Variants in LDLRAD4 observed in about 807,000 individuals in gnomAD.
LDLRAD4 encodes the protein low-density lipoprotein receptor class A domain-containing protein 4.
LDLRAD4 carries 5 observed loss-of-function variants against 17.0 expected under a neutral mutation model. The ratio of observed to expected loss-of-function variants is 0.29; its 90% confidence interval spans 0.15 to 0.62. The LOEUF is 0.62. Among genes scored for constraint, LDLRAD4 ranks in the 20% least tolerant of loss-of-function variants. LDLRAD4 has a pLI of 0.84. For missense variants in LDLRAD4, 340 were observed against 424.7 expected (o/e 0.80, Z 1.75); for synonymous variants, 168 against 171.8 (o/e 0.98, Z 0.17).
intron 3 of LDLRAD4, among the ~76,000 whole-genome samples, chr18:13,443,644 A>C (rs1380825709): frequency 1.3e-5 from 2 of 152,108 alleles, no homozygotes; most frequent in Non-Finnish European, 2.9e-5. Context: ...AGGATCTCTG[A>C]TTCTGTAGGT....
chr18:13,442,474 C>T (rs924331893), intron 3 of LDLRAD4, among the ~76,000 whole-genome samples: 5 of 152,206 alleles, frequency 3.3e-5, no homozygotes, highest in Non-Finnish European at 7.3e-5. Flanking sequence ...GAGGGTGGCG[C>T]TGTCTTGGGA....
At chr18:13,374,558 C>A (rs1374476182) in intron 1 of LDLRAD4, among the ~76,000 whole-genome samples, 1 of 152,252 alleles carries the variant, frequency 6.6e-6, no homozygotes, top group African/African-American at 2.4e-5. Flanking sequence ...GCACCTTAAT[C>A]TCAGGAAGCT....
chr18:13,320,860 G>A (rs546575348), intron 1 of LDLRAD4, among the ~76,000 whole-genome samples: 7 of 152,310 alleles, frequency 4.6e-5, no homozygotes, highest in African/African-American at 1.4e-4. Flanking sequence ...GGAGTTCAAA[G>A]CCTAACAGGA....
upstream of LDLRAD4, among the ~76,000 whole-genome samples, chr18:13,274,772 A>G (rs1255443761): frequency 3.3e-5 from 5 of 152,332 alleles, no homozygotes; most frequent in Admixed American, 2.6e-4. Context: ...AATAGACACA[A>G]TGTTGGGTAG....
chr18:13,528,013 C>G (rs1031886605), intron 3 of LDLRAD4, among the ~76,000 whole-genome samples: 2 of 152,190 alleles, frequency 1.3e-5, no homozygotes, highest in African/African-American at 4.8e-5. Flanking sequence ...TGGGACACTC[C>G]CTCCTGGCTT....
chr18:13,470,552 C>G (rs1003510764), intron 3 of LDLRAD4, among the ~76,000 whole-genome samples: 2 of 146,796 alleles, frequency 1.4e-5, no homozygotes, highest in African/African-American at 5.1e-5. Flanking sequence ...GTCACCCTGC[C>G]CCTGTCTGGC....
chr18:13,628,834 TG>T (rs2041401800), intron 4 of LDLRAD4, among the ~76,000 whole-genome samples: 1 of 152,218 alleles, frequency 6.6e-6, no homozygotes, highest in South Asian at 2.1e-4. Context: ...CTTCAGGTTT[TG>T]GGGTTATTTT....
intron 1 of LDLRAD4, among the ~76,000 whole-genome samples, chr18:13,303,485 C>G (rs533524997): frequency 4.5e-4 from 68 of 152,184 alleles, no homozygotes; most frequent in African/African-American, 1.4e-3. Context: ...CTCCTTCTCT[C>G]CTTTTCTCCT....
At chr18:13,477,391 C>T (rs997136074) in intron 3 of LDLRAD4, among the ~76,000 whole-genome samples, 3 of 152,280 alleles carry the variant, frequency 2.0e-5, no homozygotes, top group Non-Finnish European at 2.9e-5. Context: ...CAGCTGCCTC[C>T]ATGACCCATG....
chr18:13,646,866 C>T (rs1274604910), exon 6 of LDLRAD4: 1 of 152,582 alleles, frequency 6.6e-6, no homozygotes, highest in African/African-American at 2.4e-5. Flanking sequence ...GCAGCCACCC[C>T]ACATCCAGCC....
intron 2 of LDLRAD4, among the ~76,000 whole-genome samples, chr18:13,434,560 A>G (rs527946981): frequency 6.6e-6 from 1 of 152,300 alleles, no homozygotes; most frequent in Non-Finnish European, 1.5e-5. Flanking sequence ...AATAGACAAC[A>G]TATTTTTAAA....
At chr18:13,422,649 G>A (rs928493425) in intron 2 of LDLRAD4, among the ~76,000 whole-genome samples, 12 of 152,242 alleles carry the variant, frequency 7.9e-5, no homozygotes, top group African/African-American at 2.4e-4. Context: ...AGTGAGCCAC[G>A]ATCACATCAC....
chr18:13,304,814 G>GTGTA (rs2046815253), intron 1 of LDLRAD4, among the ~76,000 whole-genome samples: 1 of 152,216 alleles, frequency 6.6e-6, no homozygotes, highest in Admixed American at 6.5e-5. Flanking sequence ...TGCTGTGGGG[G>GTGTA]TGTAGGAGGG....
chr18:13,419,353 T>A (rs186575388), intron 2 of LDLRAD4: 26 of 152,294 alleles, frequency 1.7e-4, no homozygotes, highest in Admixed American at 1.4e-3. Flanking sequence ...TAGTTTTGGA[T>A]CATGATTAGG....
In LDLRAD4 at chr18:13,605,133, T is replaced by A. The variant is rs1178368007; in HGVS notation, c.182-15984T>A. 2.0e-5 allele frequency among the ~76,000 whole-genome samples: 3 copies of A among 152,234 alleles called. No homozygotes were observed. In the East Asian group the frequency reaches 5.8e-4, roughly 29 times the overall value. On this transcript the variant is annotated intron_variant, in intron 3 of 5. Transcript: ENST00000359446. ...CAGAGCGCAGAATTAGAGTGTTCTC[T>A]TAACATATGGTGTCCAGAAATCCTG... is the stretch of plus-strand genomic sequence containing the variant.
At chr18:13,527,312 C>T (rs971813960) in intron 3 of LDLRAD4, among the ~76,000 whole-genome samples, 3 of 152,234 alleles carry the variant, frequency 2.0e-5, no homozygotes, top group Non-Finnish European at 4.4e-5. Flanking sequence ...ACAGGGTTGT[C>T]GCTTGGCATA....
intron 1 of LDLRAD4, among the ~76,000 whole-genome samples, chr18:13,272,545 G>A (rs997672739): frequency 9.2e-5 from 14 of 152,220 alleles, no homozygotes; most frequent in Non-Finnish European, 1.8e-4. Context: ...CCTCTGTCTC[G>A]CTCCTCCTGG....
intron 1 of LDLRAD4, among the ~76,000 whole-genome samples, chr18:13,369,857 C>G (rs2084331549): frequency 6.6e-6 from 1 of 152,204 alleles, no homozygotes; most frequent in African/African-American, 2.4e-5. Context: ...TCCTCCCATG[C>G]CTTCTGTTTC....
intron 2 of LDLRAD4, chr18:13,426,137 G>C (rs2089916230): frequency 6.6e-6 from 1 of 152,670 alleles, no homozygotes; most frequent in Non-Finnish European, 1.5e-5. Flanking sequence ...CAGATTTGTT[G>C]TTAATTTTGG....
Sources: gnomAD v4.1 joint callset for allele counts (sites outside exome capture counted in the v4.1 genomes callset) on GRCh38, gnomAD v4.1.1 for gene constraint, MANE v1.5 for transcripts, NCBI Gene and HGNC (gene_info 2026-07-23, HGNC 2026-07-21) for gene names.